The following ZC3H7B variants were observed in gnomAD, a reference collection of about 807,000 sequenced individuals.
The protein encoded by ZC3H7B is zinc finger CCCH domain-containing protein 7B.
In ZC3H7B, 35 loss-of-function variants were observed where a neutral mutation model predicts 116.0. The observed-to-expected ratio is 0.30, with a 90% CI of 0.23 to 0.40. The LOEUF is 0.40. ZC3H7B is among the 10% of genes least tolerant of loss of function. The probability of loss-of-function intolerance (pLI) is 1.00; values close to 1 mark genes in which losing one functional copy is unlikely to be tolerated. For missense variants in ZC3H7B, 1,011 were observed against 1,321.5 expected, an observed-to-expected ratio of 0.77 and a Z score of 3.64; for synonymous variants, 502 against 545.6, an observed-to-expected ratio of 0.92 and a Z score of 1.11.
At position 41,356,021 on chromosome 22, in the gene ZC3H7B, C is replaced by T. The variant is rs140358001; in HGVS notation, c.2342C>T (p.Pro781Leu). The T allele has an allele frequency of 1.9e-5, 30 of 1,567,476 alleles. No homozygotes were observed. The highest frequency in any genetic ancestry group is 1.7e-4 in the Middle Eastern group (1 of 5,856). ...YVGNCSFAHS[P>L]EERDMWTFMK... is the part of the protein sequence containing the mutation. Reference sequence around the variant, plus strand: ...GGGAACTGCTCCTTCGCACACAGCCCGGAGGAGAGGGACATGTGGACCTTC... The same window carrying T: ...GGGAACTGCTCCTTCGCACACAGCCTGGAGGAGAGGGACATGTGGACCTTC... The change falls in exon 20 of 23, where the codon CCG (proline) becomes CTG (leucine). Residue 781 changes from proline to leucine, a missense_variant. Pro to Leu is a moderately conservative substitution (Grantham distance 98). Around this residue, in one of 5 missense-constraint regions of ZC3H7B, gnomAD observed 406 missense variants for 590.2 expected, o/e 0.69. Transcript: ENST00000352645.
In ZC3H7B at chr22:41,321,829, C is replaced by CTTTTTTTTTT. The variant is rs199611879; in HGVS notation, c.53+1135_53+1144dup. Among the ~76,000 whole-genome samples the CTTTTTTTTTT allele has an allele frequency of 4.1e-4, 37 of 91,022 alleles. 9 individuals are homozygous for CTTTTTTTTTT. The highest frequency in any genetic ancestry group is 2.0e-3 in the African/African-American group (36 of 17,670). The allele number at this position is 91,022 out of a possible 152,430, so 59.7% of individuals were successfully genotyped here. On this transcript the variant is annotated intron_variant, in intron 2 of 22. Transcript: ENST00000352645. Reference sequence around the variant, plus strand: ...GACCACAAAACTCAAAACTCACATTCTTTTTTTTTTTTTTTTTTTTTTTTT... The same window carrying CTTTTTTTTTT: ...GACCACAAAACTCAAAACTCACATTCTTTTTTTTTTTTTTTTTTTTTTTTTTTTTTTTTTT...
chr22:41,325,428 G>A, intron 2 of ZC3H7B, 136 bp from the exon 3 acceptor site: 1 of 1,162,918 alleles, frequency 8.6e-7, no homozygotes. Context: ...CAATGATTTA[G>A]GAGAAGAAAA....
chr22:41,332,334 G>T, intron 7 of ZC3H7B, 107 bp downstream of exon 7: 1 of 1,351,966 alleles, frequency 7.4e-7, no homozygotes, highest in South Asian at 1.2e-5. Flanking sequence ...AGGGGCCTCC[G>T]CCTCCCTAGG....
At position 41,313,147 on chromosome 22, in the gene ZC3H7B, C is replaced by G. The variant is rs1235013094; in HGVS notation, c.-6-7508C>G. Among the ~76,000 whole-genome samples the G allele has an allele frequency of 2.7e-5, 4 of 150,794 alleles. No individual in the cohort carries two copies. The East Asian group carries it at 7.8e-4, about 29-fold the overall frequency. On this transcript the variant is annotated intron_variant, in intron 1 of 22. Coordinates refer to ENST00000352645, the MANE Select transcript of ZC3H7B (RefSeq NM_017590.6). ...ACTTTTTTTTTTTTTGAGACGGAGT[C>G]TCGCTGTGTCGCCCAGGCTGGAGTG...
At position 41,327,163 on chromosome 22, in the gene ZC3H7B, G is replaced by C; in HGVS notation, c.286-43G>C. The C allele has an allele frequency of 6.2e-7, 1 of 1,603,842 alleles. No homozygotes were observed. The highest frequency in any genetic ancestry group is 8.5e-7 in the Non-Finnish European group (1 of 1,173,652). ...GGGGCAGGAGGCCTGGGGGAGGGAGGGTAACAGGTGTTGACCAGTGACCAC... is the reference window on the plus strand; with the variant it reads ...GGGGCAGGAGGCCTGGGGGAGGGAGCGTAACAGGTGTTGACCAGTGACCAC... On this transcript the variant is annotated intron_variant, in intron 4 of 22. Coordinates refer to ENST00000352645, the MANE Select transcript of ZC3H7B (RefSeq NM_017590.6). This position sits in a 1 kb window ranked among gnomAD's most constrained non-coding sequence, Gnocchi z 4.5.
chr22:41,348,220 C>T (rs1217823098), intron 15 of ZC3H7B, 53 bp downstream of exon 15: 3 of 1,495,890 alleles, frequency 2.0e-6, no homozygotes, highest in South Asian at 2.3e-5. Context: ...GGAGAGTCCC[C>T]TCAGGCAGCT....
At chr22:41,330,221 G>A in intron 6 of ZC3H7B, 118 bp downstream of exon 6, 1 of 983,044 alleles carries the variant, frequency 1.0e-6, no homozygotes. Context: ...GGACAGAGGG[G>A]AGTGACAGCA....
chr22:41,308,852 C>G (rs903931045), intron 1 of ZC3H7B, among the ~76,000 whole-genome samples: 1 of 152,086 alleles, frequency 6.6e-6, no homozygotes, highest in African/African-American at 2.4e-5. Context: ...TTTCCTGGAA[C>G]ATTATCAGCT....
In ZC3H7B at chr22:41,346,726, G is replaced by C. The variant is rs1177545503; in HGVS notation, c.1665+518G>C. Among the ~76,000 whole-genome samples the C allele has an allele frequency of 6.6e-6, 1 of 152,186 alleles. No homozygotes were observed. The highest frequency in any genetic ancestry group is 1.9e-4 in the East Asian group (1 of 5,190). On this transcript the variant is annotated intron_variant, in intron 14 of 22. Coordinates refer to ENST00000352645, the MANE Select transcript of ZC3H7B (RefSeq NM_017590.6). This position sits in a 1 kb window ranked among gnomAD's most constrained non-coding sequence, Gnocchi z 5.3. ...AGCTAGTTGGGAGGCTGAGGCAGGA[G>C]AATCACTTGAACTGGGGAGGCAAAG...
rs767094562 is a variant in ZC3H7B at position 41,325,831 on chromosome 22, C to G, written c.198C>G (p.Ala66=). Residue 66 remains alanine (A), a synonymous_variant, in exon 4 of 23, where the codon GCC becomes GCG. Transcript: ENST00000352645. ...AGTACATGGAAGGGCTGAACGTGGC[C>G]GACTACGCTGCCTCTGACCAGGTGG... is the stretch of plus-strand genomic sequence containing the variant. The part of the protein sequence containing the change: ...LVQYMEGLNV[A]DYAASDQVAL... The G allele has an allele frequency of 6.2e-7, 1 of 1,613,186 alleles. No individual in the cohort carries two copies. Among genetic ancestry groups the G allele is most frequent in the East Asian group, 2.2e-5 (1 of 44,878 alleles).
chr22:41,341,638 G>A (rs982215037), intron 11 of ZC3H7B, among the ~76,000 whole-genome samples: 2 of 152,098 alleles, frequency 1.3e-5, no homozygotes, highest in Admixed American at 6.6e-5. Context: ...AGCTACTCGC[G>A]AGGCTGAGGC....
rs1371267914 is a variant in ZC3H7B at position 41,338,033 on chromosome 22, A to G, written c.583-280A>G. Among the ~76,000 whole-genome samples, 7 of 151,854 alleles carry G rather than the reference A, an allele frequency of 4.6e-5. No individual in the cohort carries two copies. Among genetic ancestry groups the G allele is most frequent in the African/African-American group, 1.7e-4 (7 of 41,334 alleles). ...CAGGCTCCTGCCACCATGCCCGACTAATTTTTGTATTTTTAGTAGAGATGA... is the reference window on the plus strand; with the variant it reads ...CAGGCTCCTGCCACCATGCCCGACTGATTTTTGTATTTTTAGTAGAGATGA... On this transcript the variant is annotated intron_variant, in intron 7 of 22. Transcript: ENST00000352645. The surrounding 1 kb of genome is among the most constrained non-coding windows in gnomAD (Gnocchi z 4.5).
intron 1 of ZC3H7B, among the ~76,000 whole-genome samples, chr22:41,315,798 T>G (rs916842537): frequency 2.0e-5 from 3 of 152,170 alleles, no homozygotes; most frequent in African/African-American, 7.2e-5. Context: ...CCTACCCTTA[T>G]GCCCTCATTT....
chr22:41,306,406 T>C (rs574467115), intron 1 of ZC3H7B, among the ~76,000 whole-genome samples: 15 of 145,198 alleles, frequency 1.0e-4, no homozygotes, highest in Non-Finnish European at 1.8e-4. Context: ...GGAGTTCCAC[T>C]CTTGTCGCCC....
Position 41,312,622 on chromosome 22 carries a change from C to A in ZC3H7B, c.-6-8033C>A, listed in dbSNP as rs575485591. Among the ~76,000 whole-genome samples the A allele has an allele frequency of 2.0e-3, 308 of 151,480 alleles. 3 individuals are homozygous for A. In the South Asian group the frequency reaches 0.031, roughly 15 times the overall value. On this transcript the variant is annotated intron_variant, in intron 1 of 22. Coordinates refer to ENST00000352645, the MANE Select transcript of ZC3H7B (RefSeq NM_017590.6). ...ATAATAATAAATAATAATAATACAT[C>A]CCTGGCTGGTCATGGTGGCTCACGC...
At chr22:41,316,625 G>T (rs1326683404) in intron 1 of ZC3H7B, among the ~76,000 whole-genome samples, 3 of 146,016 alleles carry the variant, frequency 2.1e-5, no homozygotes, top group Non-Finnish European at 4.5e-5. Context: ...TTGAGACAGG[G>T]TCTCACTCTG....
At chr22:41,303,115 C>T (rs1388609435) in intron 1 of ZC3H7B, among the ~76,000 whole-genome samples, 2 of 152,194 alleles carry the variant, frequency 1.3e-5, no homozygotes, top group African/African-American at 2.4e-5. Context: ...ACAGCCATCC[C>T]CTCCGTGGTG....
At position 41,328,467 on chromosome 22, in the gene ZC3H7B, A is replaced by C. The variant is rs1018628565; in HGVS notation, c.444+1103A>C. The stretch of plus-strand genomic sequence containing the variant: ...AGGCCCTGGCCTCTAGGAGATTGTC[A>C]GTGAGGTAGGAGGTAGACACGTGCA... On this transcript the variant is annotated intron_variant, in intron 5 of 22. Coordinates refer to ENST00000352645, the MANE Select transcript of ZC3H7B (RefSeq NM_017590.6). 2.0e-5 allele frequency among the ~76,000 whole-genome samples: 3 copies of C among 152,314 alleles called. No homozygotes were observed. The East Asian group carries it at 5.8e-4, about 29-fold the overall frequency.
chr22:41,314,464 T>C (rs1312769982), intron 1 of ZC3H7B, among the ~76,000 whole-genome samples: 2 of 151,992 alleles, frequency 1.3e-5, no homozygotes, highest in Non-Finnish European at 2.9e-5. Flanking sequence ...ACCTATTTTT[T>C]ATTTTTGGGA....
Sources: allele counts gnomAD v4.1 joint callset (sites outside exome capture counted in the v4.1 genomes callset), GRCh38; gene constraint gnomAD v4.1.1; regional missense constraint gnomAD v4.1.1; non-coding constraint Gnocchi (gnomAD v3.1); transcripts MANE v1.5; gene names NCBI Gene and HGNC (gene_info 2026-07-23, HGNC 2026-07-21).